KLHDC1: variants seen among roughly 807,000 people sequenced by gnomAD.
KLHDC1 encodes the protein kelch domain containing 1, also known as kelch domain-containing protein 1.
Under a neutral mutation model 68.3 loss-of-function variants are expected in KLHDC1, and 53 were observed. The ratio of observed to expected loss-of-function variants is 0.78; its 90% confidence interval spans 0.62 to 0.98. KLHDC1 has a LOEUF of 0.98. Among genes scored for constraint, KLHDC1 ranks in the 50% least tolerant of loss-of-function variants. The probability of loss-of-function intolerance (pLI) is 0.00; values close to 1 mark genes in which losing one functional copy is unlikely to be tolerated. For missense variants in KLHDC1, 470 were observed against 492.3 expected (o/e 0.95, Z 0.43); for synonymous variants, 148 against 159.0 (o/e 0.93, Z 0.52).
At chr14:49,696,715 T>A (rs1887753239) in intron 1 of KLHDC1, among the ~76,000 whole-genome samples, 2 of 152,226 alleles carry the variant, frequency 1.3e-5, no homozygotes, top group South Asian at 4.1e-4. Context: ...TATTACTCAT[T>A]TTTCATTAGA....
chr14:49,693,753 T>C (rs1026475272), intron 1 of KLHDC1, among the ~76,000 whole-genome samples: 21 of 72,680 alleles, frequency 2.9e-4, no homozygotes, highest in East Asian at 9.7e-4. Flanking sequence ...TTTTTCTTTT[T>C]TTTTTTTTTT....
intron 1 of KLHDC1, among the ~76,000 whole-genome samples, chr14:49,695,065 T>C (rs1309975766): frequency 6.6e-6 from 1 of 151,928 alleles, no homozygotes; most frequent in Admixed American, 6.6e-5. Flanking sequence ...GTTTGCCACA[T>C]TGAGCCTTCC....
Position 49,709,241 on chromosome 14 carries a change from T to A in KLHDC1, c.167+12T>A. 1 of 1,132,220 alleles carries A rather than the reference T, an allele frequency of 8.8e-7. No individual in the cohort carries two copies. Among genetic ancestry groups the A allele is most frequent in the Non-Finnish European group, 1.3e-6 (1 of 765,068 alleles). 70.1% of individuals were successfully genotyped at this position (1,132,220 alleles called of 1,614,324 possible). On this transcript the variant is annotated intron_variant, in intron 2 of 12. Coordinates refer to ENST00000359332, the MANE Select transcript of KLHDC1 (RefSeq NM_172193.3). The stretch of plus-strand genomic sequence containing the variant: ...GATAGTGGGTTGTGGTAAGTAATTT[T>A]AAATTGCATACTGTCTGATCTTAAT...
At chr14:49,740,317 A>C in intron 11 of KLHDC1, 135 bp downstream of exon 11, 3 of 581,802 alleles carry the variant, frequency 5.2e-6, no homozygotes, top group Non-Finnish European at 9.2e-6. Context: ...TGGTTTAATT[A>C]ATCTTCAGGA....
intron 1 of KLHDC1, 67 bp from the exon 2 acceptor site, chr14:49,709,092 C>A: frequency 1.5e-6 from 1 of 686,820 alleles, no homozygotes; most frequent in Non-Finnish European, 2.5e-6. Flanking sequence ...TTTTCTCATC[C>A]TGAGAAGCTG....
chr14:49,723,609 C>T (rs934497146), intron 4 of KLHDC1, among the ~76,000 whole-genome samples: 8 of 152,154 alleles, frequency 5.3e-5, no homozygotes, highest in African/African-American at 1.9e-4. Context: ...TGGGTAGTTT[C>T]TTCTTACAAG....
chr14:49,696,713 A>G (rs1467565719), intron 1 of KLHDC1, among the ~76,000 whole-genome samples: 1 of 151,944 alleles, frequency 6.6e-6, no homozygotes, highest in Non-Finnish European at 1.5e-5. Context: ...CATATTACTC[A>G]TTTTTCATTA....
chr14:49,750,444 G>A (rs1445552703), intron 12 of KLHDC1, among the ~76,000 whole-genome samples: 1 of 152,124 alleles, frequency 6.6e-6, no homozygotes, highest in Admixed American at 6.6e-5. Context: ...CTTCTCCTCT[G>A]ATTCCCACAG....
intron 1 of KLHDC1, among the ~76,000 whole-genome samples, chr14:49,705,435 C>T (rs1236523684): frequency 1.7e-5 from 2 of 117,294 alleles, no homozygotes; most frequent in African/African-American, 3.2e-5. Context: ...GTGGCATGAT[C>T]TCAGGTTACT....
At chr14:49,728,589 G>A (rs529578932) in intron 6 of KLHDC1, among the ~76,000 whole-genome samples, 1 of 152,280 alleles carries the variant, frequency 6.6e-6, no homozygotes, top group East Asian at 1.9e-4. Flanking sequence ...AAACAGAGGA[G>A]AGAGGGAGAG....
chr14:49,747,502 A>T (rs1427501180), intron 12 of KLHDC1, among the ~76,000 whole-genome samples: 1 of 152,236 alleles, frequency 6.6e-6, no homozygotes, highest in Non-Finnish European at 1.5e-5. Flanking sequence ...TTTAGCAAAC[A>T]GATTTTTAAA....
At chr14:49,730,322 A>G (rs1888771825) in intron 8 of KLHDC1, among the ~76,000 whole-genome samples, 2 of 151,490 alleles carry the variant, frequency 1.3e-5, no homozygotes, top group Admixed American at 6.6e-5. Flanking sequence ...CCCAGGTTCA[A>G]GCAATTCTCC....
intron 4 of KLHDC1, among the ~76,000 whole-genome samples, chr14:49,720,017 C>T (rs866845106): frequency 7.3e-5 from 11 of 150,034 alleles, no homozygotes; most frequent in Middle Eastern, 3.2e-3. Flanking sequence ...GACAGTGTCT[C>T]GCTCTGTTGC....
intron 4 of KLHDC1, among the ~76,000 whole-genome samples, chr14:49,716,172 G>A (rs1320155149): frequency 6.6e-6 from 1 of 152,142 alleles, no homozygotes; most frequent in Non-Finnish European, 1.5e-5. Context: ...TATAAAGGGA[G>A]TATCTTTGAA....
intron 6 of KLHDC1, among the ~76,000 whole-genome samples, chr14:49,728,406 T>G (rs1235929949): frequency 6.6e-6 from 1 of 152,210 alleles, no homozygotes; most frequent in Non-Finnish European, 1.5e-5. Context: ...TCAATTAATG[T>G]TAAGAGTTTT....
At chr14:49,693,426 T>G in intron 1 of KLHDC1, 136 bp downstream of exon 1, 4 of 456,600 alleles carry the variant, frequency 8.8e-6, no homozygotes, top group Non-Finnish European at 1.4e-5. Context: ...CCCCAGCCCC[T>G]CCGCTGGCCG....
chr14:49,707,272 A>G (rs189518840), intron 1 of KLHDC1, among the ~76,000 whole-genome samples: 2,088 of 138,380 alleles, frequency 0.015, 59 homozygotes, highest in African/African-American at 0.054. Flanking sequence ...TTCTATTTTT[A>G]TGTGTGTGTG....
At chr14:49,722,947 C>T (rs954194526) in intron 4 of KLHDC1, among the ~76,000 whole-genome samples, 5 of 151,628 alleles carry the variant, frequency 3.3e-5, no homozygotes, top group East Asian at 3.9e-4. Context: ...ATTAGCCAGG[C>T]GTGGTGGCAG....
chr14:49,736,400 C>T (rs1423311781), intron 10 of KLHDC1, among the ~76,000 whole-genome samples: 1 of 152,088 alleles, frequency 6.6e-6, no homozygotes, highest in Non-Finnish European at 1.5e-5. Flanking sequence ...TCACCAAAAT[C>T]AAGGCAGGAA....
Sources: gnomAD v4.1 joint callset for allele counts (sites outside exome capture counted in the v4.1 genomes callset) on GRCh38, gnomAD v4.1.1 for gene constraint, MANE v1.5 for transcripts, NCBI Gene and HGNC (gene_info 2026-07-23, HGNC 2026-07-21) for gene names.